The following SOX5 variants were observed in gnomAD, a reference collection of about 807,000 sequenced individuals.
SOX5 encodes the protein transcription factor SOX-5.
In SOX5, 9 loss-of-function variants were observed where a neutral mutation model predicts 92.0. That is an observed-to-expected ratio of 0.10 (90% CI 0.06 to 0.17). The LOEUF (loss-of-function observed/expected upper bound fraction) is 0.17, where lower values mean the gene tolerates loss of function less well. Among genes scored for constraint, SOX5 ranks in the 10% least tolerant of loss-of-function variants. The pLI, the probability that SOX5 is intolerant of heterozygous loss-of-function variation, is 1.00. For missense variants in SOX5, 642 were observed against 944.5 expected (o/e 0.68, Z 4.20); for synonymous variants, 344 against 336.3 (o/e 1.02, Z -0.25).
At chr12:23,976,406 C>CAAAAAA (rs869250917) in intron 4 of SOX5, among the ~76,000 whole-genome samples, 65 of 37,788 alleles carry the variant, frequency 1.7e-3, no homozygotes, top group East Asian at 0.011. Flanking sequence ...AACAAAAAAA[C>CAAAAAA]AAAAAAAAAA....
rs140532568 is a variant in SOX5, at chr12:23,615,053, C to T, written c.1018-10520G>A. ...TCCTGACCTCGTGATCCACCTGCTT[C>T]GGCCTCCCAAAGTGCTGGGATTACA... is the stretch of plus-strand genomic sequence containing the variant. On this transcript the variant is annotated intron_variant, in intron 8 of 14. Coordinates refer to ENST00000451604, the MANE Select transcript of SOX5 (RefSeq NM_006940.6). Among the ~76,000 whole-genome samples, 842 of 152,290 alleles carry T rather than the reference C, an allele frequency of 5.5e-3. 5 individuals carry two copies. The highest frequency in any genetic ancestry group is 0.02 in the African/African-American group (817 of 41,564).
chr12:24,556,076 A>C (rs549416771), intron 1 of SOX5, among the ~76,000 whole-genome samples: 2 of 152,214 alleles, frequency 1.3e-5, no homozygotes, highest in Admixed American at 1.3e-4. Context: ...CACTATAGTC[A>C]AGCTTCTTCC....
intron 1 of SOX5, among the ~76,000 whole-genome samples, chr12:24,544,281 AT>A (rs1283370390): frequency 5.3e-5 from 8 of 152,234 alleles, no homozygotes; most frequent in African/African-American, 1.9e-4. Flanking sequence ...AATATTTAAA[AT>A]TCCAAAAAGA....
intron 4 of SOX5, among the ~76,000 whole-genome samples, chr12:24,054,942 G>A (rs1957953200): frequency 6.6e-6 from 1 of 152,104 alleles, no homozygotes. Flanking sequence ...CGTGGAAACT[G>A]AGCAAATGAG....
chr12:24,402,296 C>A (rs989547039), intron 1 of SOX5, among the ~76,000 whole-genome samples: 5 of 152,126 alleles, frequency 3.3e-5, no homozygotes, highest in Non-Finnish European at 7.4e-5. Context: ...AGTAAATCTA[C>A]CTCTGTAAAT....
intron 2 of SOX5, among the ~76,000 whole-genome samples, chr12:24,355,238 A>G (rs1954652755): frequency 7.1e-6 from 1 of 141,644 alleles, no homozygotes; most frequent in Non-Finnish European, 1.5e-5. Flanking sequence ...CATCACCAAT[A>G]TCACCTGGGG....
chr12:23,604,078 C>T (rs2074923347), intron 9 of SOX5: 1 of 232,766 alleles, frequency 4.3e-6, no homozygotes, highest in Non-Finnish European at 8.7e-6. Flanking sequence ...GGCTATTTGG[C>T]TATTTTTATA....
intron 6 of SOX5, among the ~76,000 whole-genome samples, chr12:23,709,233 T>C (rs2091787492): frequency 6.6e-6 from 1 of 152,040 alleles, no homozygotes; most frequent in East Asian, 1.9e-4. Context: ...TCCAGAGTAG[T>C]TGGGATTATG....
At chr12:24,273,061 C>T (rs1160020237) in intron 3 of SOX5, among the ~76,000 whole-genome samples, 3 of 152,146 alleles carry the variant, frequency 2.0e-5, no homozygotes, top group Non-Finnish European at 2.9e-5. Context: ...AGTAAAACCC[C>T]GTCTCTACTA....
At chr12:24,233,928 A>G (rs1298823684) in intron 3 of SOX5, among the ~76,000 whole-genome samples, 1 of 152,228 alleles carries the variant, frequency 6.6e-6, no homozygotes, top group Non-Finnish European at 1.5e-5. Flanking sequence ...AATGTACTCA[A>G]AATAATAAAC....
At chr12:23,625,926 G>C (rs939234799) in intron 8 of SOX5, among the ~76,000 whole-genome samples, 5 of 152,082 alleles carry the variant, frequency 3.3e-5, no homozygotes. Flanking sequence ...TGTTTCTAAA[G>C]AAGACAGTCC....
At chr12:24,441,864 T>A (rs1285737617) in intron 1 of SOX5, among the ~76,000 whole-genome samples, 4 of 152,154 alleles carry the variant, frequency 2.6e-5, no homozygotes, top group Non-Finnish European at 5.9e-5. Context: ...ATTATAAAAC[T>A]TTTTTTAATA....
intron 8 of SOX5, among the ~76,000 whole-genome samples, chr12:23,615,443 C>A (rs1418883645): frequency 6.6e-6 from 1 of 151,738 alleles, no homozygotes; most frequent in African/African-American, 2.4e-5. Context: ...TATTTTGTCA[C>A]CCAGATATTA....
intron 1 of SOX5, among the ~76,000 whole-genome samples, chr12:23,940,129 T>C (rs1943346550): frequency 6.6e-6 from 1 of 151,256 alleles, no homozygotes; most frequent in African/African-American, 2.4e-5. Flanking sequence ...TATTTCCCCA[T>C]AGTGTCTTGT....
At position 23,530,368 on chromosome 12, in the gene SOX5, C is replaced by G. The variant is rs934052687; in HGVS notation, c.*3851G>C. The G allele has an allele frequency of 6.6e-6, 1 of 151,970 alleles. No individual in the cohort carries two copies. Among genetic ancestry groups the G allele is most frequent in the African/African-American group, 2.4e-5 (1 of 41,360 alleles). 9.4% of individuals were successfully genotyped at this position (151,970 alleles called of 1,614,324 possible). On this transcript the variant is annotated 3_prime_UTR_variant, in exon 15 of 15. Transcript: ENST00000451604. ...GATTAAGAAAATATCTGAAGTTGGA[C>G]CAAAAAATGGTTAATTTTCTTTAAG...
At chr12:24,488,577 T>G (rs1946750244) in intron 1 of SOX5, among the ~76,000 whole-genome samples, 1 of 152,144 alleles carries the variant, frequency 6.6e-6, no homozygotes, top group Non-Finnish European at 1.5e-5. Flanking sequence ...CAGAGTGAGA[T>G]CCTGTCTCAG....
At chr12:24,094,306 T>G (rs1909356) in intron 4 of SOX5, among the ~76,000 whole-genome samples, 55,479 of 152,050 alleles carry the variant, frequency 0.36, 10,888 homozygotes, top group East Asian at 0.63. Flanking sequence ...ATCACTTTAT[T>G]GAACATTTAT....
chr12:24,489,482 G>C lies in SOX5; in HGVS notation c.-251+72847C>G, dbSNP rs887363758. Among the ~76,000 whole-genome samples the C allele has an allele frequency of 3.9e-5, 6 of 152,224 alleles. No homozygotes were observed. In the South Asian group the frequency reaches 1.0e-3, roughly 26 times the overall value. On this transcript the variant is annotated intron_variant, in intron 1 of 4. Coordinates refer to the SOX5 transcript ENST00000446891. The stretch of plus-strand genomic sequence containing the variant: ...ACAGCTGTGCCTGGAAGAAACCCAA[G>C]GCCCAGAGAGAGCATGCCTTCTTCA...
chr12:24,126,177 T>C (rs1254768931), intron 4 of SOX5, among the ~76,000 whole-genome samples: 1 of 152,246 alleles, frequency 6.6e-6, no homozygotes, highest in Non-Finnish European at 1.5e-5. Flanking sequence ...TTTAATTCCC[T>C]GTATAATCAT....
Sources: allele counts gnomAD v4.1 joint callset (sites outside exome capture counted in the v4.1 genomes callset), GRCh38; gene constraint gnomAD v4.1.1; transcripts MANE v1.5; gene names NCBI Gene and HGNC (gene_info 2026-07-23, HGNC 2026-07-21).